The following JAK2 variants were observed in gnomAD, a reference collection of about 807,000 sequenced individuals.
The protein encoded by JAK2 is tyrosine-protein kinase JAK2.
Under a neutral mutation model 139.3 loss-of-function variants are expected in JAK2, and 86 were observed. The observed-to-expected ratio is 0.62, with a 90% CI of 0.52 to 0.74. The LOEUF is 0.74. Among genes scored for constraint, JAK2 ranks in the 30% least tolerant of loss-of-function variants. The pLI, the probability that JAK2 is intolerant of heterozygous loss-of-function variation, is 0.00. For synonymous variants in JAK2, 490 were observed against 437.7 expected (o/e 1.12, Z -1.49); for missense variants, 1,421 against 1,360.3 (o/e 1.04, Z -0.70).
intron 2 of JAK2, among the ~76,000 whole-genome samples, chr9:4,991,176 A>G (rs976134854): frequency 6.6e-6 from 1 of 152,210 alleles, no homozygotes; most frequent in Non-Finnish European, 1.5e-5. Context: ...GATTGATGAA[A>G]TTAGGGGTAC....
intron 19 of JAK2, among the ~76,000 whole-genome samples, chr9:5,089,334 C>A (rs1820379689): frequency 6.6e-6 from 1 of 151,906 alleles, no homozygotes; most frequent in Non-Finnish European, 1.5e-5. Flanking sequence ...GTCAGGAGAT[C>A]AAGACAATCC....
chr9:5,055,826 A>T, intron 8 of JAK2, 38 bp downstream of exon 8: 1 of 1,561,850 alleles, frequency 6.4e-7, no homozygotes, highest in Non-Finnish European at 8.8e-7. Context: ...GTTTCATTTT[A>T]TAGTTCTCAG....
chr9:5,030,202 A>G (rs1460041143), intron 4 of JAK2, among the ~76,000 whole-genome samples: 1 of 152,194 alleles, frequency 6.6e-6, no homozygotes, highest in Non-Finnish European at 1.5e-5. Context: ...ACAAAATCCT[A>G]AATGTTTGGG....
At chr9:5,100,177 C>T (rs1310843376) in intron 22 of JAK2, 1 of 152,122 alleles carries the variant, frequency 6.6e-6, no homozygotes, top group Non-Finnish European at 1.5e-5. Context: ...CGCCATAGAC[C>T]TTATTCAGGC....
chr9:5,004,627 T>C (rs1212631344), intron 2 of JAK2, among the ~76,000 whole-genome samples: 2 of 151,994 alleles, frequency 1.3e-5, no homozygotes, highest in East Asian at 3.9e-4. Context: ...TGACATATTA[T>C]TTTTAGTTCC....
chr9:5,061,102 T>C (rs914237280), intron 8 of JAK2, among the ~76,000 whole-genome samples: 4 of 152,168 alleles, frequency 2.6e-5, no homozygotes, highest in Admixed American at 2.0e-4. Context: ...CTATAAACAA[T>C]AGATGTGCTG....
intron 19 of JAK2, among the ~76,000 whole-genome samples, chr9:5,087,605 G>C (rs936262494): frequency 2.6e-5 from 4 of 152,138 alleles, no homozygotes; most frequent in African/African-American, 9.7e-5. Context: ...CGAATTAAAA[G>C]TGAGACTGAT....
intron 5 of JAK2, among the ~76,000 whole-genome samples, chr9:5,048,201 G>C (rs949242617): frequency 7.9e-5 from 12 of 151,818 alleles, no homozygotes; most frequent in African/African-American, 2.9e-4. Context: ...GAGTGCAATG[G>C]CGTGATCTCG....
At chr9:5,036,347 G>A (rs1823599608) in intron 4 of JAK2, among the ~76,000 whole-genome samples, 2 of 152,168 alleles carry the variant, frequency 1.3e-5, no homozygotes, top group Admixed American at 6.5e-5. Flanking sequence ...AGCTACAGAT[G>A]ACTTTCTTCA....
chr9:5,088,612 A>G (rs983255481), intron 19 of JAK2, among the ~76,000 whole-genome samples: 1 of 152,218 alleles, frequency 6.6e-6, no homozygotes, highest in Non-Finnish European at 1.5e-5. Flanking sequence ...TGGCTGCTAT[A>G]ACAAAATACC....
At chr9:5,114,652 G>A (rs758701342) in intron 22 of JAK2, 22 of 459,336 alleles carry the variant, frequency 4.8e-5, no homozygotes, top group Admixed American at 7.5e-5. Context: ...ACGCAGCCCC[G>A]CAAAACCAAG....
chr9:5,070,934 A>C (rs924858599), intron 12 of JAK2, among the ~76,000 whole-genome samples: 1 of 152,188 alleles, frequency 6.6e-6, no homozygotes, highest in African/African-American at 2.4e-5. Flanking sequence ...TCCCTGAGTA[A>C]AACCAGGACA....
intron 22 of JAK2, among the ~76,000 whole-genome samples, chr9:5,102,687 C>A (rs531994309): frequency 6.6e-6 from 1 of 152,180 alleles, no homozygotes; most frequent in African/African-American, 2.4e-5. Flanking sequence ...AGACTAACAG[C>A]GGATCTCTCA....
At chr9:5,022,736 C>A (rs542300349) in intron 3 of JAK2, among the ~76,000 whole-genome samples, 1 of 152,242 alleles carries the variant, frequency 6.6e-6, no homozygotes, top group South Asian at 2.1e-4. Context: ...TGGACCAAAA[C>A]TGTGAACCAG....
At chr9:5,090,389 T>TATTTAATCAGTATAA in intron 20 of JAK2, 57 bp from the exon 21 acceptor site, 1 of 1,247,342 alleles carries the variant, frequency 8.0e-7, no homozygotes, top group Non-Finnish European at 1.1e-6. Flanking sequence ...AGTTTTCTAA[T>TATTTAATCAGTATAA]ATTTAATCAG....
rs866917412 is a variant in JAK2, at chr9:5,120,108, G to A, written c.3060-2896G>A. Among the ~76,000 whole-genome samples the A allele has an allele frequency of 5.9e-5, 9 of 152,346 alleles. 1 individual carries two copies. In the Middle Eastern group the frequency reaches 0.014, roughly 230 times the overall value. The stretch of plus-strand genomic sequence containing the variant: ...GAAAAAAGTGCTGGCAGGTTCAGGC[G>A]TCTGGTGAGAGCTGCTCTCTTCTTT... On this transcript the variant is annotated intron_variant, in intron 22 of 24. Coordinates refer to ENST00000381652, the MANE Select transcript of JAK2 (RefSeq NM_004972.4).
intron 12 of JAK2, among the ~76,000 whole-genome samples, chr9:5,072,016 T>C (rs372895109): frequency 6.6e-6 from 1 of 152,104 alleles, no homozygotes; most frequent in Non-Finnish European, 1.5e-5. Context: ...TATGGGAAAA[T>C]AGTTATTATT....
At chr9:5,010,091 G>A (rs10974910) in intron 2 of JAK2, among the ~76,000 whole-genome samples, 36,900 of 152,050 alleles carry the variant, frequency 0.24, 4,733 homozygotes, top group South Asian at 0.3. Context: ...TTTAAATAGA[G>A]TCTATTTCCT....
rs1824155591 is a variant in JAK2 at position 5,128,625 on chromosome 9, T to G, written c.*1834T>G. 6.6e-6 allele frequency among the ~76,000 whole-genome samples: 1 copy of G among 151,958 alleles called. No individual in the cohort carries two copies. Among genetic ancestry groups the G allele is most frequent in the Non-Finnish European group, 1.5e-5 (1 of 67,830 alleles). On this transcript the variant is annotated 3_prime_UTR_variant, in exon 25 of 25. Coordinates refer to ENST00000381652, the MANE Select transcript of JAK2 (RefSeq NM_004972.4). ...CTTAAACATTTTTTTAAATGCTTCA[T>G]CTTTTAGTTTTATATAAAGAATCCC...
Sources: allele counts gnomAD v4.1 joint callset (sites outside exome capture counted in the v4.1 genomes callset), GRCh38; gene constraint gnomAD v4.1.1; transcripts MANE v1.5; gene names NCBI Gene and HGNC (gene_info 2026-07-23, HGNC 2026-07-21).